The following TP73 variants were observed in gnomAD, a reference collection of about 807,000 sequenced individuals.
The protein encoded by TP73 is p53-like transcription factor.
TP73 carries 25 observed loss-of-function variants against 62.5 expected under a neutral mutation model. That is an observed-to-expected ratio of 0.40 (90% CI 0.29 to 0.56). TP73 has a LOEUF of 0.56. Ranked by LOEUF, TP73 falls within the 20% of genes least tolerant of loss-of-function variation. The pLI is 0.46. For missense variants in TP73, 754 were observed against 913.3 expected (o/e 0.83, Z 2.25); for synonymous variants, 423 against 377.5 (o/e 1.12, Z -1.40).
rs534349566 is a variant in TP73 at position 3,682,291 on chromosome 1, G to C, written c.-33-42G>C. On this transcript the variant is annotated intron_variant, in intron 1 of 13. Coordinates refer to ENST00000378295, the MANE Select transcript of TP73 (RefSeq NM_005427.4). Reference sequence around the variant, plus strand: ...AGGCTGTCACAGGAGGACAGAGCACGAGTTCCCAGGGTGCTCAGGTGTCAT... The same window carrying C: ...AGGCTGTCACAGGAGGACAGAGCACCAGTTCCCAGGGTGCTCAGGTGTCAT... The C allele has an allele frequency of 4.3e-5, 59 of 1,375,374 alleles. 1 individual carries two copies. The Admixed American group carries it at 1.5e-3, about 35-fold the overall frequency. 85.2% of individuals were successfully genotyped at this position (1,375,374 alleles called of 1,614,324 possible).
intron 1 of TP73, among the ~76,000 whole-genome samples, chr1:3,653,428 A>G (rs964381592): frequency 2.0e-5 from 3 of 152,286 alleles, no homozygotes; most frequent in Non-Finnish European, 4.4e-5. Context: ...CTCAGCTTGT[A>G]TTTTGGCCTG....
rs544405582 is a variant in TP73 at position 3,733,190 on chromosome 1, C to T, written c.*111C>T. On this transcript the variant is annotated 3_prime_UTR_variant, in exon 14 of 14. Coordinates refer to ENST00000378295, the MANE Select transcript of TP73 (RefSeq NM_005427.4). ...GGAGGCAGGACCTTCGGGCTGTGCC[C>T]GGGGAAAGGCAAGGTCCGGCCCATC... is the stretch of plus-strand genomic sequence containing the variant. 8.5e-6 allele frequency: 11 copies of T among 1,287,336 alleles called. No homozygotes were observed. Among genetic ancestry groups the T allele is most frequent in the East Asian group, 5.1e-5 (2 of 39,188 alleles). 79.7% of individuals were successfully genotyped at this position (1,287,336 alleles called of 1,614,324 possible).
Position 3,695,515 on chromosome 1 carries a change from G to A in TP73, c.187-12034G>A, listed in dbSNP as rs372708492. 2.3e-3 allele frequency among the ~76,000 whole-genome samples: 347 copies of A among 152,336 alleles called. 3 individuals are homozygous for A. Among genetic ancestry groups the A allele is most frequent in the African/African-American group, 7.3e-3 (303 of 41,582 alleles). ...GTGGGCATCCATGCGTTGCGGGAAC[G>A]TGGCCACCCCTGTGCTGAGGAGCAG... On this transcript the variant is annotated intron_variant, in intron 3 of 13. Coordinates refer to ENST00000378295, the MANE Select transcript of TP73 (RefSeq NM_005427.4).
chr1:3,671,491 G>A (rs866295958), intron 1 of TP73, among the ~76,000 whole-genome samples: 9 of 152,354 alleles, frequency 5.9e-5, no homozygotes, highest in Middle Eastern at 3.4e-3. Flanking sequence ...CCCAGCCATC[G>A]TCGGGAGCCC....
chr1:3,729,374 C>T lies in TP73; in HGVS notation c.1122C>T (p.Ser374=). ...NFEILMKLKE[S]LELMELVPQP... is the part of the protein sequence containing the mutation. ...AGATCCTGATGAAGCTGAAAGAGAG[C>T]CTGGAGCTGATGGAGTTGGTGCCGC... Residue 374 remains serine, a synonymous_variant, in exon 10 of 14, where the codon AGC becomes AGT. Transcript: ENST00000378295. 1 of 1,613,240 alleles carries T rather than the reference C, an allele frequency of 6.2e-7. No individual in the cohort carries two copies. Among genetic ancestry groups the T allele is most frequent in the Middle Eastern group, 1.6e-4 (1 of 6,062 alleles).
At chr1:3,693,759 C>A (rs1570472054) in intron 3 of TP73, among the ~76,000 whole-genome samples, 1 of 140,016 alleles carries the variant, frequency 7.1e-6, no homozygotes, top group Non-Finnish European at 1.5e-5. Flanking sequence ...CCTCCTCCCA[C>A]AATCCCACCC....
At chr1:3,709,806 T>G (rs1639981115) in intron 4 of TP73, among the ~76,000 whole-genome samples, 1 of 152,196 alleles carries the variant, frequency 6.6e-6, no homozygotes, top group South Asian at 2.1e-4. Flanking sequence ...GCAGGCAGCT[T>G]GTGGGAGCTC....
chr1:3,695,012 T>G (rs1174312296), intron 3 of TP73, among the ~76,000 whole-genome samples: 1 of 141,780 alleles, frequency 7.1e-6, no homozygotes, highest in East Asian at 2.0e-4. Flanking sequence ...GCTCTTCACT[T>G]GCTTCCCACA....
At chr1:3,729,906 C>T in intron 10 of TP73, 94 bp from the exon 11 acceptor site, 1 of 1,452,966 alleles carries the variant, frequency 6.9e-7, no homozygotes, top group South Asian at 1.4e-5. Flanking sequence ...AGAGGCTCCA[C>T]CCATTCGCAG....
chr1:3,732,378 G>A (rs1215740010), intron 13 of TP73, among the ~76,000 whole-genome samples: 1 of 151,088 alleles, frequency 6.6e-6, no homozygotes. Context: ...TGCCTCCCCT[G>A]AGTGATGTGT....
intron 1 of TP73, among the ~76,000 whole-genome samples, chr1:3,673,626 A>G (rs1276882773): frequency 6.6e-6 from 1 of 152,164 alleles, no homozygotes; most frequent in African/African-American, 2.4e-5. Context: ...AGAGCAGGAG[A>G]GGGAACTGGA....
At position 3,727,778 on chromosome 1, in the gene TP73, G is replaced by T; in HGVS notation, c.985+8G>T. ...GGGCCGCCAGCAAGCGTGGTGAGCG[G>T]CCGGCCAGGGGAACTGGACGCGTGT... On this transcript the variant is annotated splice_region_variant and intron_variant, in intron 8 of 13. Transcript: ENST00000378295. 4 of 1,528,954 alleles carry T rather than the reference G, an allele frequency of 2.6e-6. No individual in the cohort carries two copies. Among genetic ancestry groups the T allele is most frequent in the Non-Finnish European group, 3.5e-6 (4 of 1,136,686 alleles). 94.7% of individuals were successfully genotyped at this position (1,528,954 alleles called of 1,614,324 possible). A position where few individuals can be genotyped will look rare whatever the true frequency, so the allele number is the denominator to read the frequency against.
rs537204902 is a variant in TP73 at position 3,733,282 on chromosome 1, C to G, written c.*203C>G. The G allele has an allele frequency of 2.2e-5, 14 of 641,460 alleles. No individual in the cohort carries two copies. In the African/African-American group the frequency reaches 2.4e-4, roughly 11 times the overall value. 39.7% of individuals were successfully genotyped at this position (641,460 alleles called of 1,614,324 possible). On this transcript the variant is annotated 3_prime_UTR_variant, in exon 14 of 14. Coordinates refer to ENST00000378295, the MANE Select transcript of TP73 (RefSeq NM_005427.4). ...AGCCGCCTGTGGACAGCCTGAGTCA[C>G]CTGCAGAACCTTCTGGAGCTGCCCT...
intron 7 of TP73, 118 bp from the exon 8 acceptor site, chr1:3,727,510 C>T (rs750660400): frequency 7.1e-7 from 1 of 1,412,798 alleles, no homozygotes; most frequent in Non-Finnish European, 9.6e-7. Flanking sequence ...ACTGGGTGCT[C>T]TGTGGTGACC....
intron 3 of TP73, among the ~76,000 whole-genome samples, chr1:3,694,414 A>C (rs376318761): frequency 1.7e-3 from 3 of 1,758 alleles, no homozygotes; most frequent in Non-Finnish European, 2.6e-3. Flanking sequence ...CTGCAGCCTC[A>C]GCCCCTCCTC....
intron 3 of TP73, among the ~76,000 whole-genome samples, chr1:3,684,385 T>G (rs1321295478): frequency 6.6e-6 from 1 of 152,152 alleles, no homozygotes; most frequent in Non-Finnish European, 1.5e-5. Flanking sequence ...GCTGGGCCTC[T>G]GGGGGCCTGA....
chr1:3,687,246 A>T (rs1645682383), intron 3 of TP73, among the ~76,000 whole-genome samples: 1 of 152,098 alleles, frequency 6.6e-6, no homozygotes, highest in Admixed American at 6.5e-5. Flanking sequence ...TGGGCCGAGG[A>T]GCCACAGCTA....
intron 3 of TP73, among the ~76,000 whole-genome samples, chr1:3,684,898 A>G (rs1318820102): frequency 6.6e-6 from 1 of 152,114 alleles, no homozygotes; most frequent in Non-Finnish European, 1.5e-5. Flanking sequence ...AGTGCAAGAA[A>G]GTGAGACTGC....
intron 6 of TP73, among the ~76,000 whole-genome samples, 161 bp downstream of exon 6, chr1:3,723,630 C>T (rs1003443352): frequency 2.0e-5 from 3 of 152,144 alleles, no homozygotes; most frequent in Non-Finnish European, 4.4e-5. Flanking sequence ...AAGTCTGTGT[C>T]GGCGGCTCCT....
Sources: gnomAD v4.1 joint callset for allele counts (sites outside exome capture counted in the v4.1 genomes callset) on GRCh38, gnomAD v4.1.1 for gene constraint, MANE v1.5 for transcripts, NCBI Gene and HGNC (gene_info 2026-07-23, HGNC 2026-07-21) for gene names.